Variants in NEK5 observed in about 807,000 individuals in gnomAD.
NEK5 encodes the protein serine/threonine-protein kinase Nek5.
Under a neutral mutation model 109.2 loss-of-function variants are expected in NEK5, and 88 were observed. The ratio of observed to expected loss-of-function variants is 0.81; its 90% CI spans 0.68 to 0.96. The LOEUF (loss-of-function observed/expected upper bound fraction) is 0.96. Ranked by LOEUF, NEK5 falls within the 40% of genes least tolerant of loss-of-function variation. The pLI is 0.00. For missense variants in NEK5, 834 were observed against 920.7 expected (o/e 0.91, Z 1.22); for synonymous variants, 283 against 299.9 (o/e 0.94, Z 0.58).
chr13:52,044,119 G>A (rs1310262145), intron 23 of NEK5, among the ~76,000 whole-genome samples: 2 of 152,192 alleles, frequency 1.3e-5, no homozygotes, highest in African/African-American at 4.8e-5. Flanking sequence ...GCCTAGCTTC[G>A]CAGCCTACAG....
At chr13:52,117,212 C>G (rs1173766887) in intron 4 of NEK5, among the ~76,000 whole-genome samples, 2 of 152,224 alleles carry the variant, frequency 1.3e-5, no homozygotes, top group Non-Finnish European at 2.9e-5. Flanking sequence ...AGCCACTGCG[C>G]CCGGCCAAAA....
intron 22 of NEK5, among the ~76,000 whole-genome samples, chr13:52,052,147 G>C (rs758420099): frequency 8.4e-6 from 1 of 119,240 alleles, no homozygotes; most frequent in African/African-American, 3.3e-5. Flanking sequence ...ACCAAACCAA[G>C]GTACAATTTA....
Position 52,037,671 on chromosome 13 carries a change from C to T in NEK5, c.2229-453G>A, listed in dbSNP as rs565921638. ...GGGCGCGGTGGCTCACGCCTGTAAT[C>T]CCAGCACTTTGGGAGGCCGAGGCGG... On this transcript the variant is annotated intron_variant, in intron 23 of 23. Transcript: ENST00000684899. 6.5e-3 allele frequency among the ~76,000 whole-genome samples: 994 copies of T among 152,310 alleles called. 10 individuals carry two copies. Among genetic ancestry groups the T allele is most frequent in the African/African-American group, 0.023 (959 of 41,568 alleles).
intron 12 of NEK5, among the ~76,000 whole-genome samples, chr13:52,095,897 T>A (rs1468366724): frequency 6.6e-6 from 1 of 152,210 alleles, no homozygotes; most frequent in African/African-American, 2.4e-5. Context: ...CCCAATCTCA[T>A]GTTGCACTGT....
chr13:52,045,926 C>T (rs1267212139), intron 23 of NEK5, among the ~76,000 whole-genome samples: 3 of 151,198 alleles, frequency 2.0e-5, no homozygotes, highest in East Asian at 3.9e-4. Context: ...CAAAAATTAG[C>T]CAGCCACGGT....
At chr13:52,064,531 C>T (rs1318611645) in intron 21 of NEK5, among the ~76,000 whole-genome samples, 1 of 150,716 alleles carries the variant, frequency 6.6e-6, no homozygotes, top group Non-Finnish European at 1.5e-5. Context: ...CCAGCCGCCC[C>T]GTCCGGGAGG....
At position 52,089,255 on chromosome 13, in the gene NEK5, TCTC is replaced by T; in HGVS notation, c.1264_1266del (p.Glu422del). The T allele has an allele frequency of 6.3e-7, 1 of 1,591,392 alleles. No individual in the cohort carries two copies. Among genetic ancestry groups the T allele is most frequent in the Non-Finnish European group, 8.6e-7 (1 of 1,159,986 alleles). On this transcript the variant is annotated inframe_deletion, in exon 14 of 24. Coordinates refer to ENST00000684899, the MANE Select transcript of NEK5 (RefSeq NM_001365552.1). ...TTTGGTATTTTACTTACCAATTGCT[TCTC>T]CACTTTCAACTTATATTGTTGAGCT...
chr13:52,072,011 A>G lies in NEK5; in HGVS notation c.1782T>C (p.Tyr594=). The part of the protein sequence containing the change: ...TFEDGMKFKE[Y]ECVKEHGDYT... Reference sequence around the variant, plus strand: ...AATCTCCATGCTCCTTTACACATTCATATTCCTTAAACTTCATGCCATCCT... The same window carrying G: ...AATCTCCATGCTCCTTTACACATTCGTATTCCTTAAACTTCATGCCATCCT... The change falls in exon 20 of 24, where the codon TAT becomes TAC. Residue 594 remains tyrosine (Y), a synonymous_variant. Coordinates refer to ENST00000684899, the MANE Select transcript of NEK5 (RefSeq NM_001365552.1). 1 of 1,610,774 alleles carries G rather than the reference A, an allele frequency of 6.2e-7. No homozygotes were observed. The highest frequency in any genetic ancestry group is 8.5e-7 in the Non-Finnish European group (1 of 1,177,062).
chr13:52,097,147 T>C (rs1222777878), intron 12 of NEK5, among the ~76,000 whole-genome samples: 1 of 152,092 alleles, frequency 6.6e-6, no homozygotes, highest in Non-Finnish European at 1.5e-5. Flanking sequence ...AGAAGATGTA[T>C]GGAAAAGCCT....
rs1218086829 is a variant in NEK5, at chr13:52,065,294, T to TA, written c.1975+189_1975+190insT. On this transcript the variant is annotated intron_variant, in intron 21 of 23. Transcript: ENST00000684899. ...TATATGTGCATGTCTAGAGTGGTCA[T>TA]TTGTCCAGGATAATTAGCAGGCAAG... The TA allele has an allele frequency of 3.1e-5, 25 of 811,272 alleles. No homozygotes were observed. The African/African-American group carries it at 3.8e-4, about 12-fold the overall frequency. The allele number at this position is 811,272 out of a possible 1,614,324, so 50.3% of individuals were successfully genotyped here. A position where few individuals can be genotyped will look rare whatever the true frequency, so the allele number is the denominator to read the frequency against.
chr13:52,045,764 C>CA (rs769932877), intron 23 of NEK5, among the ~76,000 whole-genome samples: 856 of 63,048 alleles, frequency 0.014, 16 homozygotes, highest in African/African-American at 0.052. Context: ...GACTCTGTCT[C>CA]AAAAAAAAAA....
chr13:52,091,615 ACAAT>A (rs996516991), intron 13 of NEK5, among the ~76,000 whole-genome samples: 3 of 152,322 alleles, frequency 2.0e-5, no homozygotes, highest in African/African-American at 7.2e-5. Context: ...TCAACAATAA[ACAAT>A]CAGAGTCGCC....
At position 52,119,300 on chromosome 13, in the gene NEK5, G is replaced by A. The variant is rs201586510; in HGVS notation, c.214+19C>T. ...CCTATACTTTATAAAAATACTTAAC[G>A]AATATTAGAAAATCAAACCTTGAAA... On this transcript the variant is annotated intron_variant, in intron 4 of 23. Coordinates refer to ENST00000684899, the MANE Select transcript of NEK5 (RefSeq NM_001365552.1). The A allele has an allele frequency of 1.2e-5, 16 of 1,388,486 alleles. No homozygotes were observed. The highest frequency in any genetic ancestry group is 4.6e-5 in the East Asian group (2 of 43,622). 86.0% of individuals were successfully genotyped at this position (1,388,486 alleles called of 1,614,324 possible). A position where few individuals can be genotyped will look rare whatever the true frequency, so the allele number is the denominator to read the frequency against.
chr13:52,061,699 G>T, intron 22 of NEK5, 120 bp downstream of exon 22: 1 of 233,936 alleles, frequency 4.3e-6, no homozygotes, highest in Non-Finnish European at 7.0e-6. Context: ...TTCTGAAAAG[G>T]CTAGACACCC....
intron 20 of NEK5, among the ~76,000 whole-genome samples, chr13:52,070,258 C>T (rs1954762538): frequency 6.6e-6 from 1 of 152,094 alleles, no homozygotes; most frequent in African/African-American, 2.4e-5. Context: ...AAGTGGGTCA[C>T]AGCAGAATTA....
rs574621559 is a variant in NEK5 at position 52,095,103 on chromosome 13, T to A, written c.1027-1868A>T. On this transcript the variant is annotated intron_variant, in intron 12 of 23. Transcript: ENST00000684899. ...AGTAAAAAACAAAAAATTTTTTTTT[T>A]AATTTTACTTTTTGTAGAGGTGGGG... Among the ~76,000 whole-genome samples the A allele has an allele frequency of 5.3e-5, 8 of 152,136 alleles. No individual in the cohort carries two copies. The South Asian group carries it at 1.2e-3, about 24-fold the overall frequency.
chr13:52,045,464 G>T (rs1004808806), intron 23 of NEK5, among the ~76,000 whole-genome samples: 2 of 149,862 alleles, frequency 1.3e-5, no homozygotes, highest in Admixed American at 6.6e-5. Flanking sequence ...GGAGTTATTT[G>T]GGGAAAAAAA....
At chr13:52,065,386 T>C (rs781690136) in intron 21 of NEK5, 98 bp downstream of exon 21, 1 of 1,500,826 alleles carries the variant, frequency 6.7e-7, no homozygotes, top group Admixed American at 1.7e-5. Flanking sequence ...ATCTATAGGG[T>C]GTATAGTGAG....
At chr13:52,090,955 G>A (rs563581125) in intron 13 of NEK5, among the ~76,000 whole-genome samples, 3 of 152,218 alleles carry the variant, frequency 2.0e-5, no homozygotes, top group African/African-American at 7.2e-5. Flanking sequence ...GAACCCAGGG[G>A]GCGGAGCTTG....
Sources: gnomAD v4.1 joint callset for allele counts (sites outside exome capture counted in the v4.1 genomes callset) on GRCh38, gnomAD v4.1.1 for gene constraint, MANE v1.5 for transcripts, NCBI Gene and HGNC (gene_info 2026-07-23, HGNC 2026-07-21) for gene names.